KIAA0825: variants seen among roughly 807,000 people sequenced by gnomAD.
The protein encoded by KIAA0825 is uncharacterized protein KIAA0825.
In KIAA0825, 119 loss-of-function variants were observed where a neutral mutation model predicts 147.6. The observed-to-expected ratio is 0.81, with a 90% confidence interval of 0.69 to 0.94. The LOEUF is 0.94. Ranked by LOEUF, KIAA0825 falls within the 40% of genes least tolerant of loss-of-function variation. The pLI is 0.00. For missense variants in KIAA0825, 1,381 were observed against 1,472.7 expected, an observed-to-expected ratio of 0.94 and a Z score of 1.02; for synonymous variants, 470 against 518.1, an observed-to-expected ratio of 0.91 and a Z score of 1.26.
At chr5:94,379,013 C>A (rs1220263097) in intron 20 of KIAA0825, among the ~76,000 whole-genome samples, 1 of 152,146 alleles carries the variant, frequency 6.6e-6, no homozygotes, top group Admixed American at 6.6e-5. Context: ...AGACCTTTGT[C>A]AGATGCATAG....
intron 2 of KIAA0825, among the ~76,000 whole-genome samples, chr5:94,537,709 A>G (rs1477527664): frequency 6.6e-6 from 1 of 151,930 alleles, no homozygotes; most frequent in Non-Finnish European, 1.5e-5. Context: ...CTACTTAAGC[A>G]TCCTGCAGCT....
At chr5:94,331,217 AAAAG>A (rs1322327894) in intron 20 of KIAA0825, among the ~76,000 whole-genome samples, 2 of 151,972 alleles carry the variant, frequency 1.3e-5, no homozygotes, top group African/African-American at 2.4e-5. Context: ...AGAAAGAAAG[AAAAG>A]AAAGAAAACA....
chr5:94,373,281 T>A (rs1252715279), intron 20 of KIAA0825, among the ~76,000 whole-genome samples: 1 of 152,214 alleles, frequency 6.6e-6, no homozygotes, highest in Non-Finnish European at 1.5e-5. Context: ...TTTTTGGGGA[T>A]GCTTATAGCA....
At chr5:94,257,224 A>G (rs935725339) in intron 20 of KIAA0825, among the ~76,000 whole-genome samples, 5 of 152,122 alleles carry the variant, frequency 3.3e-5, no homozygotes, top group Non-Finnish European at 7.4e-5. Flanking sequence ...GTAGTTTGCT[A>G]GACTAGAACT....
intron 13 of KIAA0825, among the ~76,000 whole-genome samples, chr5:94,446,815 T>C (rs1331711260): frequency 6.6e-6 from 1 of 152,026 alleles, no homozygotes; most frequent in African/African-American, 2.4e-5. Context: ...CTTGCTACAG[T>C]TGGAGAATAT....
In KIAA0825 at chr5:94,534,953, C is replaced by T. The variant is rs868168414; in HGVS notation, c.131+2043G>A. Among the ~76,000 whole-genome samples the T allele has an allele frequency of 7.2e-5, 11 of 151,830 alleles. No homozygotes were observed. The South Asian group carries it at 1.0e-3, about 14-fold the overall frequency. ...GTAAGTTCCTTTGTGTTAGAAACTGCGTCATAAAATACATAAATATATAAC... is the reference window on the plus strand; with the variant it reads ...GTAAGTTCCTTTGTGTTAGAAACTGTGTCATAAAATACATAAATATATAAC... On this transcript the variant is annotated intron_variant, in intron 3 of 20. Coordinates refer to ENST00000682413, the MANE Select transcript of KIAA0825 (RefSeq NM_001145678.3).
Position 94,409,349 on chromosome 5 carries a change from G to A in KIAA0825, c.2663-5556C>T, listed in dbSNP as rs114822569. ...ACTATTTTCACATATTAGACAACAG[G>A]AAACACTGTAATTGCCTTTAAAAGA... On this transcript the variant is annotated intron_variant, in intron 15 of 20. Transcript: ENST00000682413. Among the ~76,000 whole-genome samples, 585 of 152,246 alleles carry A rather than the reference G, an allele frequency of 3.8e-3. 3 individuals are homozygous for A. Among genetic ancestry groups the A allele is most frequent in the Non-Finnish European group, 6.3e-3 (428 of 68,016 alleles).
intron 20 of KIAA0825, among the ~76,000 whole-genome samples, chr5:94,364,091 G>T (rs1745460568): frequency 6.6e-6 from 1 of 151,938 alleles, no homozygotes; most frequent in Admixed American, 6.6e-5. Flanking sequence ...GGAGCTATCA[G>T]TCTATTTAGG....
chr5:94,618,000 ATGGCGGGAGGAACC>A (rs1206415207), intron 1 of KIAA0825: 1 of 152,218 alleles, frequency 6.6e-6, no homozygotes, highest in Non-Finnish European at 1.5e-5. Context: ...TCCAATTCAA[ATGGCGGGAGGAACC>A]TTCAATTAAT....
intron 20 of KIAA0825, among the ~76,000 whole-genome samples, chr5:94,241,099 G>A (rs2150104307): frequency 6.6e-6 from 1 of 152,302 alleles, no homozygotes; most frequent in Non-Finnish European, 1.5e-5. Flanking sequence ...CATCTGCAAA[G>A]TCCATCCCTG....
intron 3 of KIAA0825, among the ~76,000 whole-genome samples, chr5:94,530,819 G>T (rs1295643629): frequency 6.6e-6 from 1 of 152,148 alleles, no homozygotes; most frequent in African/African-American, 2.4e-5. Flanking sequence ...ACCTCAGATT[G>T]TTACATCAAG....
At chr5:94,479,526 T>G (rs1286547869) in intron 6 of KIAA0825, among the ~76,000 whole-genome samples, 1 of 152,166 alleles carries the variant, frequency 6.6e-6, no homozygotes, top group Non-Finnish European at 1.5e-5. Context: ...TGCTTCCAAG[T>G]TTTGGCAGTT....
chr5:94,353,806 C>T (rs574913589), intron 20 of KIAA0825, among the ~76,000 whole-genome samples: 16 of 152,012 alleles, frequency 1.1e-4, no homozygotes, highest in South Asian at 4.2e-4. Flanking sequence ...GCAGGGACAC[C>T]GATGAGGATA....
At chr5:94,478,791 G>A (rs182375186) in intron 6 of KIAA0825, among the ~76,000 whole-genome samples, 3 of 152,142 alleles carry the variant, frequency 2.0e-5, no homozygotes, top group Admixed American at 2.0e-4. Flanking sequence ...TTTTTTAAAA[G>A]ATCCACATAG....
At chr5:94,364,882 C>CGAGAT (rs1307241572) in intron 20 of KIAA0825, among the ~76,000 whole-genome samples, 30 of 152,182 alleles carry the variant, frequency 2.0e-4, no homozygotes, top group African/African-American at 7.0e-4. Context: ...GAAAGGCAAA[C>CGAGAT]GAGATGCTTG....
At chr5:94,603,387 T>C (rs1360454168) in intron 1 of KIAA0825, among the ~76,000 whole-genome samples, 1 of 152,200 alleles carries the variant, frequency 6.6e-6, no homozygotes, top group Admixed American at 6.5e-5. Context: ...AGGAAATTTG[T>C]TACCACCATA....
At chr5:94,233,459 G>C (rs1774852015) in intron 20 of KIAA0825, among the ~76,000 whole-genome samples, 1 of 152,154 alleles carries the variant, frequency 6.6e-6, no homozygotes, top group Non-Finnish European at 1.5e-5. Flanking sequence ...TTGTGTTTGT[G>C]CATTAGTCAA....
intron 14 of KIAA0825, among the ~76,000 whole-genome samples, chr5:94,417,681 A>G (rs1041925816): frequency 6.6e-6 from 1 of 152,154 alleles, no homozygotes; most frequent in Non-Finnish European, 1.5e-5. Flanking sequence ...CTTTCTCTTA[A>G]GGAAAACTTT....
rs1766639556 is a variant in KIAA0825 at position 94,152,852 on chromosome 5, AAAAT to A, written c.*1151_*1154del. ...AAAAAAAAAAAAAAAAAAAAAAAAA[AAAAT>A]TATATATATATATATATATATATAT... On this transcript the variant is annotated 3_prime_UTR_variant, in exon 21 of 21. Transcript: ENST00000682413. 1.9e-4 allele frequency: 3 copies of A among 15,534 alleles called. No individual in the cohort carries two copies. Among genetic ancestry groups the A allele is most frequent in the Non-Finnish European group, 3.8e-4 (3 of 7,804 alleles). 1.0% of individuals were successfully genotyped at this position (15,534 alleles called of 1,614,324 possible).
Sources: gnomAD v4.1 joint callset for allele counts (sites outside exome capture counted in the v4.1 genomes callset) on GRCh38, gnomAD v4.1.1 for gene constraint, MANE v1.5 for transcripts, NCBI Gene and HGNC (gene_info 2026-07-23, HGNC 2026-07-21) for gene names.